The following UBASH3A variants were observed in gnomAD, a reference collection of about 807,000 sequenced individuals.
The protein encoded by UBASH3A is ubiquitin associated and SH3 domain containing A.
A neutral mutation model predicts 73.5 loss-of-function variants in UBASH3A; 63 were observed. The ratio of observed to expected loss-of-function variants is 0.86; its 90% CI spans 0.70 to 1.06. The LOEUF is 1.06. Among genes scored for constraint, UBASH3A ranks in the 50% least tolerant of loss-of-function variants. UBASH3A has a pLI of 0.00. For missense variants in UBASH3A, 860 were observed against 859.0 expected (o/e 1.00, Z -0.02); for synonymous variants, 363 against 351.1 (o/e 1.03, Z -0.38).
intron 2 of UBASH3A, among the ~76,000 whole-genome samples, chr21:42,408,710 A>G (rs531402375): frequency 6.6e-6 from 1 of 152,020 alleles, no homozygotes; most frequent in Admixed American, 6.6e-5. Flanking sequence ...ATGAACTCCT[A>G]TGTTGGGTCA....
chr21:42,410,884 C>T (rs1312968142), intron 3 of UBASH3A, among the ~76,000 whole-genome samples: 1 of 151,970 alleles, frequency 6.6e-6, no homozygotes, highest in African/African-American at 2.4e-5. Context: ...GATACACACA[C>T]ATACATGCAT....
At chr21:42,436,948 C>A (rs1462477062) in intron 10 of UBASH3A, among the ~76,000 whole-genome samples, 1 of 152,266 alleles carries the variant, frequency 6.6e-6, no homozygotes, top group Non-Finnish European at 1.5e-5. Context: ...AGCCTGAAGT[C>A]AAGGTCTCTG....
At chr21:42,409,990 C>A in intron 3 of UBASH3A, 1 of 682,820 alleles carries the variant, frequency 1.5e-6, no homozygotes, top group Non-Finnish European at 2.7e-6. Context: ...CCTCACTCAT[C>A]TTTGCACCCC....
chr21:42,409,403 G>A lies in UBASH3A; in HGVS notation c.168-19G>A, dbSNP rs371313548. The A allele has an allele frequency of 4.5e-5, 69 of 1,529,330 alleles. No homozygotes were observed. The highest frequency in any genetic ancestry group is 5.5e-5 in the Non-Finnish European group (63 of 1,139,262). 94.7% of individuals were successfully genotyped at this position (1,529,330 alleles called of 1,614,324 possible). ...TTTTGTTGTGACAGTGGGTGATGCC[G>A]GCTTGCTCTCTGTTGCAGGCTGCAT... On this transcript the variant is annotated intron_variant, in intron 2 of 14. Coordinates refer to ENST00000319294, the MANE Select transcript of UBASH3A (RefSeq NM_018961.4).
intron 9 of UBASH3A, among the ~76,000 whole-genome samples, chr21:42,434,044 G>A (rs1371359747): frequency 1.3e-5 from 2 of 152,176 alleles, no homozygotes; most frequent in East Asian, 1.9e-4. Flanking sequence ...GTGTCGTGGT[G>A]TCCTGTGTGA....
At position 42,432,154 on chromosome 21, in the gene UBASH3A, G is replaced by A; in HGVS notation, c.1222G>A (p.Asp408Asn). The A allele has an allele frequency of 1.3e-5, 21 of 1,613,788 alleles. No individual in the cohort carries two copies. Among genetic ancestry groups the A allele is most frequent in the Non-Finnish European group, 1.8e-5 (21 of 1,179,852 alleles). ...VLVVRHGERV[D>N]QIFGKAWLQQ... ...GGTGGTTCGCCACGGGGAGAGAGTG[G>A]ATCAGATCTTCGGGAAGGCATGGCT... is the stretch of plus-strand genomic sequence containing the variant. Residue 408 changes from aspartate (D) to asparagine (N), a missense_variant, in exon 9 of 15, where the codon GAT becomes AAT. Coordinates refer to ENST00000319294, the MANE Select transcript of UBASH3A (RefSeq NM_018961.4).
At chr21:42,430,580 C>T (rs973336628) in intron 8 of UBASH3A, among the ~76,000 whole-genome samples, 2 of 152,190 alleles carry the variant, frequency 1.3e-5, no homozygotes, top group Non-Finnish European at 2.9e-5. Flanking sequence ...CTCCCTACCC[C>T]GTCCATCCCT....
Position 42,413,067 on chromosome 21 carries a change from G to A in UBASH3A, c.398G>A (p.Arg133Lys). ...KVECLYEALK[R>K]AGDRLLGSFP... Reference sequence around the variant, plus strand: ...GAATGCCTGTACGAGGCGCTGAAGAGAGCTGGAGACAGGCTCCTGGGCTCC... The same window carrying A: ...GAATGCCTGTACGAGGCGCTGAAGAAAGCTGGAGACAGGCTCCTGGGCTCC... The change falls in exon 4 of 15, where the codon AGA becomes AAA. Residue 133 changes from arginine (R) to lysine (K), a missense_variant. By Grantham distance (26) the Arg-to-Lys change is conservative. Transcript: ENST00000319294. The surrounding 1 kb of genome is among the most constrained non-coding windows in gnomAD (Gnocchi z 4.5). 1 of 1,614,256 alleles carries A rather than the reference G, an allele frequency of 6.2e-7. No homozygotes were observed. The highest frequency in any genetic ancestry group is 8.5e-7 in the Non-Finnish European group (1 of 1,180,048).
Position 42,434,953 on chromosome 21 carries a change from A to C in UBASH3A, c.1392A>C (p.Ala464=). The C allele has an allele frequency of 6.2e-7, 1 of 1,614,026 alleles. No individual in the cohort carries two copies. The change falls in exon 10 of 15, where the codon GCA becomes GCC. Residue 464 remains alanine (A), a splice_region_variant and synonymous_variant. Transcript: ENST00000319294. ...GTGGCATTTTCCAGTCCAGAATTGC[A>C]GGTATGTTTGAGGACTGTCTAGTAG... ...SSCGIFQSRI[A]GDALLDSGIR...
At chr21:42,438,804 G>A (rs906334851) in intron 11 of UBASH3A, among the ~76,000 whole-genome samples, 134 of 152,160 alleles carry the variant, frequency 8.8e-4, no homozygotes, top group African/African-American at 3.2e-3. Flanking sequence ...GCAGTGGCTA[G>A]AATGACAAGT....
At chr21:42,409,939 G>A (rs1022074223) in intron 3 of UBASH3A, among the ~76,000 whole-genome samples, 10 of 152,180 alleles carry the variant, frequency 6.6e-5, no homozygotes, top group South Asian at 4.2e-4. Flanking sequence ...GTGCAGCACC[G>A]CATCCCTCAC....
intron 8 of UBASH3A, among the ~76,000 whole-genome samples, chr21:42,428,668 T>A (rs2053479906): frequency 6.6e-6 from 1 of 151,918 alleles, no homozygotes; most frequent in Non-Finnish European, 1.5e-5. Flanking sequence ...AAATAACATT[T>A]GACCCAATAC....
In UBASH3A at chr21:42,447,332, C is replaced by T. The variant is rs1212656773; in HGVS notation, c.*138C>T. 1.4e-5 allele frequency: 13 copies of T among 934,814 alleles called. No homozygotes were observed. Among genetic ancestry groups the T allele is most frequent in the Non-Finnish European group, 2.1e-5 (13 of 632,372 alleles). 57.9% of individuals were successfully genotyped at this position (934,814 alleles called of 1,614,324 possible). A position where few individuals can be genotyped will look rare whatever the true frequency, so the allele number is the denominator to read the frequency against. On this transcript the variant is annotated 3_prime_UTR_variant, in exon 15 of 15. Transcript: ENST00000319294. ...AGAAGCACGAGACGCACTTTTATAT[C>T]CCGGAATATTTCCCTCCGGCTTTCG...
chr21:42,409,518 T>C lies in UBASH3A; in HGVS notation c.264T>C (p.Leu88=). Residue 88 remains leucine (L), a synonymous_variant, in exon 3 of 15, where the codon CTT becomes CTC. Transcript: ENST00000319294. ...CAACGGGGCCCCTGCTGGAAAAACT[T>C]CAAGAGTTCTGGAGAGAGAGCAAGC... ...LCPTGPLLEK[L]QEFWRESKRQ... is the part of the protein sequence containing the mutation. 1 of 1,614,108 alleles carries C rather than the reference T, an allele frequency of 6.2e-7. No individual in the cohort carries two copies. The highest frequency in any genetic ancestry group is 8.5e-7 in the Non-Finnish European group (1 of 1,180,016).
rs114414145 is a variant in UBASH3A at position 42,426,766 on chromosome 21, C to T, written c.1116C>T (p.Ser372=). 18 of 1,614,040 alleles carry T rather than the reference C, an allele frequency of 1.1e-5. No individual in the cohort carries two copies. Among genetic ancestry groups the T allele is most frequent in the African/African-American group, 8.0e-5 (6 of 74,908 alleles). Residue 372 remains serine (S), a synonymous_variant, in exon 8 of 15, where the codon AGC becomes AGT. Coordinates refer to ENST00000319294, the MANE Select transcript of UBASH3A (RefSeq NM_018961.4). Reference sequence around the variant, plus strand: ...ATGGTGAAGCCAGCAGCAGATGCAGCGGGGAATTTCTTCCACAAACGGCAA... The same window carrying T: ...ATGGTGAAGCCAGCAGCAGATGCAGTGGGGAATTTCTTCCACAAACGGCAA... ...RKDGEASSRC[S]GEFLPQTARS... is the part of the protein sequence containing the mutation.
At chr21:42,444,774 G>T in intron 14 of UBASH3A, 131 bp downstream of exon 14, 1 of 740,338 alleles carries the variant, frequency 1.4e-6, no homozygotes, top group Non-Finnish European at 2.3e-6. Context: ...ACGTGCCCCC[G>T]GAGACTGTGC....
chr21:42,447,271 T>G lies in UBASH3A; in HGVS notation c.*77T>G, dbSNP rs984780236. 2.7e-6 allele frequency: 4 copies of G among 1,475,112 alleles called. No homozygotes were observed. In the Admixed American group the frequency reaches 8.3e-5, roughly 30 times the overall value. 91.4% of individuals were successfully genotyped at this position (1,475,112 alleles called of 1,614,324 possible). The stretch of plus-strand genomic sequence containing the variant: ...GCAGAGGCTGGGAGATGCTGCTGTT[T>G]CCAGAGGCGTCTTAGTCTCACCCAA... On this transcript the variant is annotated 3_prime_UTR_variant, in exon 15 of 15. Coordinates refer to ENST00000319294, the MANE Select transcript of UBASH3A (RefSeq NM_018961.4).
chr21:42,436,912 G>A (rs904040085), intron 10 of UBASH3A, among the ~76,000 whole-genome samples: 2 of 152,236 alleles, frequency 1.3e-5, no homozygotes, highest in Admixed American at 1.3e-4. Flanking sequence ...AGGCCCACGA[G>A]GCTGCTTCTC....
Position 42,413,003 on chromosome 21 carries a change from G to A in UBASH3A, c.355-21G>A. On this transcript the variant is annotated intron_variant, in intron 3 of 14. Coordinates refer to ENST00000319294, the MANE Select transcript of UBASH3A (RefSeq NM_018961.4). This position sits in a 1 kb window ranked among gnomAD's most constrained non-coding sequence, Gnocchi z 4.5. ...TCTGATGAGAGGTGTGGAAACACAG[G>A]CTCTGTCTCTGTCCCCTTAGTGTGA... 1 of 1,602,260 alleles carries A rather than the reference G, an allele frequency of 6.2e-7. No homozygotes were observed. The highest frequency in any genetic ancestry group is 8.5e-7 in the Non-Finnish European group (1 of 1,169,856).
Sources: gnomAD v4.1 joint callset for allele counts (sites outside exome capture counted in the v4.1 genomes callset) on GRCh38, gnomAD v4.1.1 for gene constraint, Gnocchi (gnomAD v3.1) non-coding constraint, MANE v1.5 for transcripts, NCBI Gene and HGNC (gene_info 2026-07-23, HGNC 2026-07-21) for gene names.